ARMH3: variants seen among roughly 807,000 people sequenced by gnomAD.
ARMH3 encodes the protein armadillo-like helical domain-containing protein 3.
Under a neutral mutation model 99.1 loss-of-function variants are expected in ARMH3, and 60 were observed. The observed-to-expected ratio is 0.61, with a 90% CI of 0.49 to 0.75. The LOEUF (loss-of-function observed/expected upper bound fraction) is 0.75. Ranked by LOEUF, ARMH3 falls within the 30% of genes least tolerant of loss-of-function variation. The pLI, the probability that ARMH3 is intolerant of heterozygous loss-of-function variation, is 0.00. For missense variants in ARMH3, 679 were observed against 843.1 expected (o/e 0.81, Z 2.41); for synonymous variants, 285 against 292.8 (o/e 0.97, Z 0.27).
In ARMH3 at chr10:101,970,222, T is replaced by G. The variant is rs1030524865; in HGVS notation, c.1495+4990A>C. On this transcript the variant is annotated intron_variant, in intron 20 of 25. Transcript: ENST00000370033. The stretch of plus-strand genomic sequence containing the variant: ...AAACCATCAAAGTTTCCATTTTTAC[T>G]TGGTTAAAAGCAATCCATGCACCTG... 2.6e-5 allele frequency among the ~76,000 whole-genome samples: 4 copies of G among 152,208 alleles called. No homozygotes were observed. The South Asian group carries it at 8.3e-4, about 32-fold the overall frequency.
In ARMH3 at chr10:102,033,154, C is replaced by T. The variant is rs1564869200; in HGVS notation, c.178G>A (p.Glu60Lys). ...CCATCAAGAGATTCCAGCTTGCCTT[C>T]TAGGTACTCTAAATTCACCTGCCAA... Reference protein sequence around the residue: ...FLMKVNLEYLEGKLESLDGEE... With the variant: ...FLMKVNLEYLKGKLESLDGEE... Residue 60 changes from glutamate to lysine, a missense_variant, in exon 4 of 26, where the codon GAA (glutamate) becomes AAA (lysine). Coordinates refer to ENST00000370033, the MANE Select transcript of ARMH3 (RefSeq NM_024541.3). 6.2e-7 allele frequency: 1 copy of T among 1,614,176 alleles called. No individual in the cohort carries two copies. Among genetic ancestry groups the T allele is most frequent in the Non-Finnish European group, 8.5e-7 (1 of 1,180,036 alleles).
In ARMH3 at chr10:101,975,378, C is replaced by T. The variant is rs754099554; in HGVS notation, c.1407-78G>A. 2.6e-6 allele frequency: 3 copies of T among 1,159,002 alleles called. No homozygotes were observed. The Admixed American group carries it at 5.3e-5, about 20-fold the overall frequency. The allele number at this position is 1,159,002 out of a possible 1,614,324, so 71.8% of individuals were successfully genotyped here. ...CACCAGAGATCCCTTCTTAGTGAGC[C>T]AGCTTTGCTAAGGCCACTAAAGACA... On this transcript the variant is annotated intron_variant, in intron 19 of 25. Transcript: ENST00000370033.
chr10:101,898,784 T>C (rs2067904985), intron 23 of ARMH3, among the ~76,000 whole-genome samples: 1 of 152,170 alleles, frequency 6.6e-6, no homozygotes, highest in African/African-American at 2.4e-5. Context: ...CATTAACGAG[T>C]CTGATTGTGG....
chr10:102,029,932 T>G (rs77379633), intron 4 of ARMH3, among the ~76,000 whole-genome samples, 187 bp from the exon 5 acceptor site: 5,112 of 151,880 alleles, frequency 0.034, 173 homozygotes, highest in African/African-American at 0.076. Flanking sequence ...TTGTTTGTTT[T>G]TTTTTTTGAG....
intron 14 of ARMH3, among the ~76,000 whole-genome samples, chr10:102,006,010 A>C (rs1194769404): frequency 6.6e-6 from 1 of 152,232 alleles, no homozygotes; most frequent in Non-Finnish European, 1.5e-5. Flanking sequence ...GCTGGGCACT[A>C]TGCTAGGCAT....
intron 17 of ARMH3, among the ~76,000 whole-genome samples, chr10:101,993,245 T>TG (rs901415080): frequency 7.3e-5 from 10 of 137,202 alleles, no homozygotes; most frequent in Non-Finnish European, 1.1e-4. Context: ...CACTCCAGCC[T>TG]GGGGGGGAGA....
intron 19 of ARMH3, among the ~76,000 whole-genome samples, chr10:101,977,977 CA>C (rs1846079606): frequency 6.6e-6 from 1 of 152,192 alleles, no homozygotes; most frequent in Non-Finnish European, 1.5e-5. Context: ...CAACAGCAAA[CA>C]GACTAAGACA....
chr10:102,011,169 T>C (rs996141960), intron 11 of ARMH3, among the ~76,000 whole-genome samples: 6 of 152,074 alleles, frequency 3.9e-5, no homozygotes, highest in Admixed American at 3.9e-4. Flanking sequence ...GACCAATAAC[T>C]TCCCTAAAAT....
chr10:101,903,885 C>G (rs936964110), intron 23 of ARMH3, among the ~76,000 whole-genome samples: 4 of 152,202 alleles, frequency 2.6e-5, no homozygotes, highest in African/African-American at 9.6e-5. Flanking sequence ...CTCAAAGATG[C>G]TCATGGAGAC....
intron 23 of ARMH3, among the ~76,000 whole-genome samples, chr10:101,900,350 C>CA (rs1655538353): frequency 1.3e-5 from 2 of 152,214 alleles, no homozygotes; most frequent in South Asian, 2.1e-4. Flanking sequence ...TATAAAGGAA[C>CA]AAAATGGCCT....
intron 4 of ARMH3, among the ~76,000 whole-genome samples, chr10:102,032,204 T>C (rs2136205696): frequency 6.6e-6 from 1 of 152,252 alleles, no homozygotes; most frequent in East Asian, 1.9e-4. Flanking sequence ...GCACAAGGAG[T>C]ATTCTACTCA....
intron 19 of ARMH3, among the ~76,000 whole-genome samples, chr10:101,985,573 G>C (rs867466333): frequency 2.0e-5 from 3 of 151,794 alleles, no homozygotes; most frequent in Admixed American, 6.6e-5. Context: ...AAATAGCCAG[G>C]CATGGTGGTG....
At chr10:102,024,608 C>G (rs1413758822) in intron 6 of ARMH3, among the ~76,000 whole-genome samples, 1 of 150,870 alleles carries the variant, frequency 6.6e-6, no homozygotes, top group Non-Finnish European at 1.5e-5. Flanking sequence ...GTCAGGAGTT[C>G]AAGATCAGGC....
At chr10:102,029,308 TA>T in intron 5 of ARMH3, 1 of 850,456 alleles carries the variant, frequency 1.2e-6, no homozygotes, top group Non-Finnish European at 1.8e-6. Flanking sequence ...GCTTAAAGTT[TA>T]GAATTAAAGT....
chr10:101,978,565 A>G (rs1846102941), intron 19 of ARMH3, among the ~76,000 whole-genome samples: 1 of 152,232 alleles, frequency 6.6e-6, no homozygotes, highest in Non-Finnish European at 1.5e-5. Flanking sequence ...TGGGAGGCCA[A>G]GGCAGGAGGA....
intron 23 of ARMH3, among the ~76,000 whole-genome samples, chr10:101,899,562 C>G (rs1039152373): frequency 6.6e-6 from 1 of 152,138 alleles, no homozygotes; most frequent in South Asian, 2.1e-4. Flanking sequence ...ACCCAAATCA[C>G]CAACAACAAA....
rs1192937916 is a variant in ARMH3, at chr10:101,995,302, C to T, written c.1204G>A (p.Ala402Thr). Residue 402 changes from alanine (A) to threonine (T), a missense_variant, in exon 16 of 26, where the codon GCA becomes ACA. Transcript: ENST00000370033. Reference sequence around the variant, plus strand: ...AGAAGGCTCGTGAGACCTACCTCTGCAATACATGTAAGGATAATCAGACAG... The same window carrying T: ...AGAAGGCTCGTGAGACCTACCTCTGTAATACATGTAAGGATAATCAGACAG... ...KLCLIILTCI[A>T]EDQYANAFLH... 3 of 1,613,588 alleles carry T rather than the reference C, an allele frequency of 1.9e-6. No homozygotes were observed. Among genetic ancestry groups the T allele is most frequent in the African/African-American group, 1.3e-5 (1 of 75,018 alleles).
chr10:101,918,018 A>C (rs1031897794), intron 23 of ARMH3, among the ~76,000 whole-genome samples: 10 of 152,074 alleles, frequency 6.6e-5, no homozygotes, highest in African/African-American at 1.9e-4. Flanking sequence ...TGAGCCAAGA[A>C]TCTCCAGTAT....
At chr10:101,852,814 G>A (rs1051081440) in intron 24 of ARMH3, among the ~76,000 whole-genome samples, 3 of 151,122 alleles carry the variant, frequency 2.0e-5, no homozygotes, top group African/African-American at 7.3e-5. Context: ...TGGACTTATA[G>A]TGCCCATGAT....
Sources: allele counts gnomAD v4.1 joint callset (sites outside exome capture counted in the v4.1 genomes callset), GRCh38; gene constraint gnomAD v4.1.1; transcripts MANE v1.5; gene names NCBI Gene and HGNC (gene_info 2026-07-23, HGNC 2026-07-21).